LSP1: variants seen among roughly 807,000 people sequenced by gnomAD.
LSP1 encodes the protein lymphocyte-specific protein 1.
In LSP1, 32 loss-of-function variants were observed where a neutral mutation model predicts 49.3. That is an observed-to-expected ratio of 0.65 (90% CI 0.49 to 0.87). LSP1 has a LOEUF of 0.87. Ranked by LOEUF, LSP1 falls within the 40% of genes least tolerant of loss-of-function variation. The pLI, the probability that LSP1 is intolerant of heterozygous loss-of-function variation, is 0.00. For synonymous variants in LSP1, 179 were observed against 178.8 expected (o/e 1.00, Z -0.01); for missense variants, 428 against 442.6 (o/e 0.97, Z 0.30).
intron 1 of LSP1, among the ~76,000 whole-genome samples, chr11:1,871,655 T>C (rs1225021061): frequency 6.6e-6 from 1 of 152,210 alleles, no homozygotes; most frequent in East Asian, 1.9e-4. Flanking sequence ...CAGCGCTGTC[T>C]GCCGCTGCAC....
At chr11:1,869,761 C>A (rs1414044680) in intron 1 of LSP1, 5 of 466,240 alleles carry the variant, frequency 1.1e-5, no homozygotes, top group South Asian at 7.8e-5. Flanking sequence ...AAGGAGAGGG[C>A]GGGCGAGGAA....
In LSP1 at chr11:1,887,517, A is replaced by C. The variant is rs1468912408; in HGVS notation, c.974A>C (p.His325Pro). 1 of 1,613,778 alleles carries C rather than the reference A, an allele frequency of 6.2e-7. No individual in the cohort carries two copies. The highest frequency in any genetic ancestry group is 1.7e-5 in the Admixed American group (1 of 59,990). Residue 325 changes from histidine (H) to proline (P), a missense_variant, in exon 10 of 11, where the codon CAT becomes CCT. By Grantham distance (77) the His-to-Pro change is moderately conservative. Transcript: ENST00000311604. ...AGGTATAAGTTTGTGGCCACCGGGC[A>C]TGGGAAGTATGAGAAGGTGCTTGTG... ...GKRYKFVATG[H>P]GKYEKVLVEG...
intron 1 of LSP1, among the ~76,000 whole-genome samples, chr11:1,874,468 C>T (rs1294657102): frequency 6.6e-6 from 1 of 152,074 alleles, no homozygotes; most frequent in Non-Finnish European, 1.5e-5. Context: ...GGCTGAGACT[C>T]AGGGCTGTTC....
chr11:1,883,755 C>T (rs1161399609), intron 4 of LSP1, among the ~76,000 whole-genome samples, 177 bp from the exon 5 acceptor site: 2 of 152,122 alleles, frequency 1.3e-5, no homozygotes, highest in Non-Finnish European at 2.9e-5. Context: ...TTGCAAGATC[C>T]GGAGACATCT....
chr11:1,864,321 A>G (rs771066757), intron 1 of LSP1: 15 of 881,124 alleles, frequency 1.7e-5, no homozygotes, highest in Non-Finnish European at 5.4e-6. Context: ...AGGGCCTGGC[A>G]GAGGGCATGA....
intron 1 of LSP1, among the ~76,000 whole-genome samples, chr11:1,854,308 G>A (rs1428545802): frequency 2.6e-5 from 4 of 152,278 alleles, no homozygotes; most frequent in East Asian, 1.9e-4. Flanking sequence ...CCAGGGTGAC[G>A]CTCACATACC....
chr11:1,854,256 G>T (rs1847432407), intron 1 of LSP1, among the ~76,000 whole-genome samples: 1 of 152,168 alleles, frequency 6.6e-6, no homozygotes, highest in East Asian at 1.9e-4. Context: ...TGCAGAAAGA[G>T]TGTGATGCCC....
intron 1 of LSP1, among the ~76,000 whole-genome samples, chr11:1,861,701 GGATGGA>G (rs1565071512): frequency 9.1e-5 from 13 of 142,408 alleles, no homozygotes; most frequent in African/African-American, 3.3e-4. Flanking sequence ...GTGGGTGGAT[GGATGGA>G]TGGATGGATG....
chr11:1,880,464 T>A (rs1848492847), intron 2 of LSP1, among the ~76,000 whole-genome samples: 1 of 151,998 alleles, frequency 6.6e-6, no homozygotes, highest in Non-Finnish European at 1.5e-5. Flanking sequence ...AGGCTCTGTG[T>A]CCGTGCCCTG....
chr11:1,881,690 C>T, intron 3 of LSP1, 94 bp downstream of exon 3: 1 of 1,375,074 alleles, frequency 7.3e-7, no homozygotes, highest in Non-Finnish European at 9.5e-7. Context: ...TCCCTCTGGA[C>T]CTCGAGGGCG....
intron 10 of LSP1, chr11:1,889,649 AGGGCTGGACACTCGCTCGGCC>A: frequency 1.6e-6 from 1 of 622,874 alleles, no homozygotes; most frequent in Non-Finnish European, 2.9e-6. Flanking sequence ...AGGCCCAGGC[AGGGCTGGACACTCGCTCGGCC>A]TCAGCGGCGG....
In LSP1 at chr11:1,853,142, C is replaced by T. The variant is rs748215961; in HGVS notation, c.-3C>T. ...CACCCTGTGGGGCCCAGACTACAGG[C>T]TGATGGCGGAGGCTTCGAGTGACCC... On this transcript the variant is annotated 5_prime_UTR_variant, in exon 1 of 11. Transcript: ENST00000311604. The T allele has an allele frequency of 7.7e-5, 124 of 1,610,124 alleles. No individual in the cohort carries two copies. Among genetic ancestry groups the T allele is most frequent in the Non-Finnish European group, 1.0e-4 (120 of 1,178,946 alleles).
chr11:1,866,428 C>T lies in LSP1; in HGVS notation c.53+13231C>T, dbSNP rs188433329. ...AGGAGTTGAGGGCAGCCCGGCTCAC[C>T]CCTCCTCCCCAGCTCCCACTTGTTG... On this transcript the variant is annotated intron_variant, in intron 1 of 10. Transcript: ENST00000311604. The T allele has an allele frequency of 2.6e-4, 373 of 1,443,232 alleles. 2 individuals are homozygous for T. The African/African-American group carries it at 4.4e-3, about 17-fold the overall frequency. 89.4% of individuals were successfully genotyped at this position (1,443,232 alleles called of 1,614,324 possible).
At chr11:1,883,331 A>G (rs1160042266) in intron 3 of LSP1, 88 bp from the exon 4 acceptor site, 38 of 1,510,692 alleles carry the variant, frequency 2.5e-5, no homozygotes, top group Non-Finnish European at 3.4e-5. Context: ...CATTTTACAG[A>G]TGGGGAAACT....
chr11:1,884,093 C>T lies in LSP1; in HGVS notation c.591+69C>T. On this transcript the variant is annotated intron_variant, in intron 5 of 10. Transcript: ENST00000311604. This position sits in a 1 kb window ranked among gnomAD's most constrained non-coding sequence, Gnocchi z 4.1. ...ACTCATACCCAAAAGGCCAATCCCA[C>T]ATGCCAGCCACAGGAAGACCAGGCC... 2.6e-6 allele frequency: 4 copies of T among 1,511,182 alleles called. No individual in the cohort carries two copies. The highest frequency in any genetic ancestry group is 3.6e-6 in the Non-Finnish European group (4 of 1,100,590). The allele number at this position is 1,511,182 out of a possible 1,614,324, so 93.6% of individuals were successfully genotyped here. A position where few individuals can be genotyped will look rare whatever the true frequency, so the allele number is the denominator to read the frequency against.
At chr11:1,882,312 G>A (rs1241968346) in intron 3 of LSP1, among the ~76,000 whole-genome samples, 1 of 152,130 alleles carries the variant, frequency 6.6e-6, no homozygotes, top group Non-Finnish European at 1.5e-5. Context: ...CCTTGAGTGG[G>A]ACCAGAGCCC....
chr11:1,864,009 G>A (rs756731281), intron 1 of LSP1, among the ~76,000 whole-genome samples: 1 of 150,796 alleles, frequency 6.6e-6, no homozygotes, highest in Non-Finnish European at 1.5e-5. Flanking sequence ...AGCAGAGGCC[G>A]GGAATGAACA....
rs565969634 is a variant in LSP1, at chr11:1,865,517, C to T, written c.53+12320C>T. Among the ~76,000 whole-genome samples the T allele has an allele frequency of 9.2e-5, 14 of 151,544 alleles. No individual in the cohort carries two copies. The South Asian group carries it at 1.3e-3, about 14-fold the overall frequency. The stretch of plus-strand genomic sequence containing the variant: ...CCCATCCCACCTGCACTGCCGGCTG[C>T]GCTGTCGCCTGCTCACACCGTCCCA... On this transcript the variant is annotated intron_variant, in intron 1 of 10. Transcript: ENST00000311604.
intron 1 of LSP1, among the ~76,000 whole-genome samples, chr11:1,862,265 T>C (rs1168389046): frequency 1.3e-5 from 2 of 152,198 alleles, no homozygotes; most frequent in African/African-American, 2.4e-5. Flanking sequence ...TACTCTCCCA[T>C]ATTGTCCCTC....
Sources: gnomAD v4.1 joint callset for allele counts (sites outside exome capture counted in the v4.1 genomes callset) on GRCh38, gnomAD v4.1.1 for gene constraint, Gnocchi (gnomAD v3.1) non-coding constraint, MANE v1.5 for transcripts, NCBI Gene and HGNC (gene_info 2026-07-23, HGNC 2026-07-21) for gene names.